TBC1D32: variants seen among roughly 807,000 people sequenced by gnomAD.
TBC1D32 encodes TBC1 domain family member 32.
A neutral mutation model predicts 170.3 loss-of-function variants in TBC1D32; 151 were observed. The observed-to-expected ratio is 0.89, with a 90% confidence interval of 0.78 to 1.01. The LOEUF is 1.01. TBC1D32 is among the 50% of genes least tolerant of loss of function. The pLI is 0.00. For synonymous variants in TBC1D32, 498 were observed against 488.0 expected (o/e 1.02, Z -0.27); for missense variants, 1,464 against 1,457.1 (o/e 1.00, Z -0.08).
At chr6:121,307,099 G>T (rs1335154571) in intron 5 of TBC1D32, among the ~76,000 whole-genome samples, 7 of 151,986 alleles carry the variant, frequency 4.6e-5, no homozygotes, top group Non-Finnish European at 8.8e-5. Context: ...ACACAGCCAG[G>T]CGTGGTGGCT....
intron 30 of TBC1D32, among the ~76,000 whole-genome samples, chr6:121,104,482 C>T (rs1178487941): frequency 6.6e-6 from 1 of 151,334 alleles, no homozygotes; most frequent in Non-Finnish European, 1.5e-5. Context: ...AAGTCTAAAA[C>T]ATATAAACAA....
intron 9 of TBC1D32, among the ~76,000 whole-genome samples, chr6:121,300,184 C>A (rs570148212): frequency 6.6e-6 from 1 of 152,256 alleles, no homozygotes; most frequent in Non-Finnish European, 1.5e-5. Flanking sequence ...TGGCTCACAC[C>A]TGTAATCCCA....
At chr6:121,126,769 A>G (rs1437837295) in intron 25 of TBC1D32, among the ~76,000 whole-genome samples, 5 of 152,114 alleles carry the variant, frequency 3.3e-5, no homozygotes, top group African/African-American at 1.2e-4. Flanking sequence ...AAAATCACTA[A>G]TTATGCTATA....
Position 121,102,730 on chromosome 6 carries a change from T to C in TBC1D32, c.3465+3293A>G, listed in dbSNP as rs1245806449. On this transcript the variant is annotated intron_variant, in intron 30 of 31. Transcript: ENST00000398212. ...AAAGCAATGGCAACAAAAGCCAAAA[T>C]TGACAAATGGGATCTAATTAAACTA... Among the ~76,000 whole-genome samples the C allele has an allele frequency of 5.9e-5, 9 of 152,130 alleles. No individual in the cohort carries two copies. In the East Asian group the frequency reaches 1.5e-3, roughly 26 times the overall value.
intron 22 of TBC1D32, among the ~76,000 whole-genome samples, chr6:121,181,119 G>T (rs1583103021): frequency 6.6e-6 from 1 of 152,088 alleles, no homozygotes; most frequent in East Asian, 1.9e-4. Context: ...AGAGAAAGGG[G>T]AACATTCATA....
At chr6:121,272,898 G>T (rs1221916926) in intron 15 of TBC1D32, among the ~76,000 whole-genome samples, 1 of 152,158 alleles carries the variant, frequency 6.6e-6, no homozygotes, top group Admixed American at 6.6e-5. Context: ...AGAAAATGTG[G>T]CACATATACA....
chr6:121,131,861 C>A, intron 24 of TBC1D32, 109 bp from the exon 25 acceptor site: 4 of 722,204 alleles, frequency 5.5e-6, no homozygotes, highest in Non-Finnish European at 8.3e-6. Context: ...ATACATATGG[C>A]TTTCAAAGGA....
intron 30 of TBC1D32, among the ~76,000 whole-genome samples, chr6:121,093,059 A>G (rs1272096890): frequency 6.6e-6 from 1 of 152,162 alleles, no homozygotes; most frequent in African/African-American, 2.4e-5. Flanking sequence ...CAAAGAGCCC[A>G]TAAGTTTTAA....
chr6:121,303,027 G>C (rs1407117791), intron 9 of TBC1D32, among the ~76,000 whole-genome samples: 1 of 152,160 alleles, frequency 6.6e-6, no homozygotes, highest in East Asian at 1.9e-4. Context: ...ATAAAAGCCA[G>C]TCCTGTTGCT....
intron 15 of TBC1D32, among the ~76,000 whole-genome samples, chr6:121,268,533 G>C (rs1246054130): frequency 6.6e-6 from 1 of 152,158 alleles, no homozygotes; most frequent in Non-Finnish European, 1.5e-5. Flanking sequence ...TCAAATGCAT[G>C]AAATTACGCA....
intron 29 of TBC1D32, among the ~76,000 whole-genome samples, chr6:121,110,167 C>A (rs927864688): frequency 2.9e-4 from 44 of 151,216 alleles, no homozygotes; most frequent in African/African-American, 1.0e-3. Flanking sequence ...AGGAGAATGG[C>A]GTGAACCCAG....
chr6:121,182,646 G>T (rs1253745822), intron 22 of TBC1D32, among the ~76,000 whole-genome samples: 1 of 151,952 alleles, frequency 6.6e-6, no homozygotes, highest in Non-Finnish European at 1.5e-5. Flanking sequence ...TTAAGGCTAG[G>T]TTTACAAAGT....
chr6:121,161,113 T>C, intron 22 of TBC1D32, 57 bp from the exon 23 acceptor site: 10 of 1,302,830 alleles, frequency 7.7e-6, no homozygotes, highest in Non-Finnish European at 9.8e-6. Flanking sequence ...GTGTTAATTT[T>C]TAAATCAAGT....
In TBC1D32 at chr6:121,205,136, T is replaced by C. The variant is rs767776014; in HGVS notation, c.2509A>G (p.Asn837Asp). The C allele has an allele frequency of 6.6e-7, 1 of 1,522,116 alleles. No homozygotes were observed. Among genetic ancestry groups the C allele is most frequent in the South Asian group, 1.2e-5 (1 of 81,958 alleles). 94.3% of individuals were successfully genotyped at this position (1,522,116 alleles called of 1,614,324 possible). Reference sequence around the variant, plus strand: ...AAAGAACGAATCTTAGCTTCAGAATTCAAAATTATAAGTCTATCAATAATA... The same window carrying C: ...AAAGAACGAATCTTAGCTTCAGAATCCAAAATTATAAGTCTATCAATAATA... ...IDIIDRLIIL[N>D]SEAKIRSLFN... is the part of the protein sequence containing the mutation. The change falls in exon 22 of 32, where the codon AAT becomes GAT. Residue 837 changes from asparagine to aspartate, a missense_variant. Physicochemically the swap from Asn to Asp is conservative, Grantham distance 23 (BLOSUM62 1). This residue lies in a region of TBC1D32 where 1,363 missense variants were observed against 1,338.1 expected (regional missense o/e 1.02). Transcript: ENST00000398212.
At chr6:121,249,504 C>T (rs1193919221) in intron 17 of TBC1D32, among the ~76,000 whole-genome samples, 1 of 151,756 alleles carries the variant, frequency 6.6e-6, no homozygotes, top group African/African-American at 2.4e-5. Flanking sequence ...GGCATCCAAA[C>T]TAGAAAAGAG....
chr6:121,277,879 A>G (rs1802447811), intron 15 of TBC1D32, among the ~76,000 whole-genome samples: 1 of 147,580 alleles, frequency 6.8e-6, no homozygotes, highest in South Asian at 2.1e-4. Context: ...GTTAACTAAG[A>G]AAAAAAAAAA....
chr6:121,088,844 C>T (rs116287794), intron 31 of TBC1D32, among the ~76,000 whole-genome samples: 108 of 152,244 alleles, frequency 7.1e-4, no homozygotes, highest in African/African-American at 2.5e-3. Flanking sequence ...TTAACAGAGG[C>T]TTAGGTCATA....
chr6:121,186,274 GGAGGCA>G (rs1789198895), intron 22 of TBC1D32, among the ~76,000 whole-genome samples: 1 of 152,034 alleles, frequency 6.6e-6, no homozygotes, highest in South Asian at 2.1e-4. Flanking sequence ...CCTATGCAAT[GGAGGCA>G]GAGGTAAATA....
chr6:121,317,899 G>GT (rs954135379), intron 2 of TBC1D32, among the ~76,000 whole-genome samples: 6 of 151,956 alleles, frequency 3.9e-5, no homozygotes, highest in African/African-American at 7.2e-5. Flanking sequence ...TATTTCCTAG[G>GT]TTTTTTCATG....
Sources: gnomAD v4.1 joint callset for allele counts (sites outside exome capture counted in the v4.1 genomes callset) on GRCh38, gnomAD v4.1.1 for gene constraint, gnomAD v4.1.1 regional missense constraint, MANE v1.5 for transcripts, NCBI Gene and HGNC (gene_info 2026-07-23, HGNC 2026-07-21) for gene names.